The following ARL17A variants were observed in gnomAD, a reference collection of about 807,000 sequenced individuals.
The protein encoded by ARL17A is ADP-ribosylation factor-like 17-like.
intron 3 of ARL17A, among the ~76,000 whole-genome samples, chr17:46,542,907 C>T (rs2055652336): frequency 6.7e-6 from 1 of 149,940 alleles, no homozygotes; most frequent in African/African-American, 2.5e-5. Flanking sequence ...TAGCACTCTG[C>T]TCCGTTCATT....
At chr17:46,568,798 G>GA (rs1218740511) in intron 3 of ARL17A, among the ~76,000 whole-genome samples, 54 of 99,320 alleles carry the variant, frequency 5.4e-4, no homozygotes, top group African/African-American at 7.4e-4. Context: ...AAAAAAAAAG[G>GA]AAAAAAAAAG....
chr17:46,569,556 G>GA (rs1741726080), intron 3 of ARL17A, among the ~76,000 whole-genome samples: 1 of 129,066 alleles, frequency 7.7e-6, no homozygotes, highest in African/African-American at 3.3e-5. Context: ...ACTACTTTGA[G>GA]AAAAAACATT....
rs2057264814 is a variant in ARL17A at position 46,556,143 on chromosome 17, C to G, written c.*1213G>C. The G allele has an allele frequency of 1.2e-6, 1 of 837,874 alleles. No homozygotes were observed. Among genetic ancestry groups the G allele is most frequent in the South Asian group, 4.3e-5 (1 of 23,130 alleles). The allele number at this position is 837,874 out of a possible 1,614,324, so 51.9% of individuals were successfully genotyped here. ...AGCACCAGACTCCACAGGTTAAGGG[C>G]TCAGTCACACAGGACCATCCGCATG... On this transcript the variant is annotated 3_prime_UTR_variant, in exon 4 of 4. Coordinates refer to ENST00000336125, the MANE Select transcript of ARL17A (RefSeq NM_001113738.2).
At chr17:46,549,115 A>G (rs1437095936), downstream of ARL17A, 3 of 1,611,618 alleles carry the variant, frequency 1.9e-6, no homozygotes, top group Admixed American at 3.3e-5. Flanking sequence ...AAAGAGTCCA[A>G]AGGTCAGAAA....
chr17:46,502,896 G>T, the ARL17A span, among the ~76,000 whole-genome samples: 13 of 150,822 alleles, frequency 8.6e-5, no homozygotes, highest in Admixed American at 6.6e-4. Context: ...GCTGGTCTCC[G>T]TGGTAGCACT....
chr17:46,533,262 T>G (rs1381600251), intron 4 of ARL17A, among the ~76,000 whole-genome samples: 1 of 96,100 alleles, frequency 1.0e-5, no homozygotes, highest in African/African-American at 5.5e-5. Flanking sequence ...TAAAAATTTT[T>G]TTTAGTTAGC....
downstream of ARL17A, chr17:46,528,722 C>G (rs866425488): frequency 1.5e-5 from 10 of 664,366 alleles, no homozygotes; most frequent in Middle Eastern, 7.9e-4. Context: ...GAGACTTCAT[C>G]TCAAAAAAAA....
chr17:46,500,453 G>T, the ARL17A span, among the ~76,000 whole-genome samples: 1 of 149,276 alleles, frequency 6.7e-6, no homozygotes. Flanking sequence ...CTGTAGATTT[G>T]AGTTGCATTT....
At position 46,543,602 on chromosome 17, in the gene ARL17A, T is replaced by C. The variant is rs1348913912; in HGVS notation, c.260-5176A>G. ...TCTTAGGGGCTGCACACTGAAGTCTTCAATGGTGAAGGGTCATTATGTCTG... is the reference window on the plus strand; with the variant it reads ...TCTTAGGGGCTGCACACTGAAGTCTCCAATGGTGAAGGGTCATTATGTCTG... On this transcript the variant is annotated intron_variant, in intron 3 of 4. Transcript: ENST00000329240. Among the ~76,000 whole-genome samples the C allele has an allele frequency of 1.3e-5, 2 of 150,804 alleles. 1 individual carries two copies. Among genetic ancestry groups the C allele is most frequent in the African/African-American group, 5.0e-5 (2 of 40,116 alleles).
chr17:46,525,414 C>A (rs1482018869), downstream of ARL17A, among the ~76,000 whole-genome samples: 1 of 109,218 alleles, frequency 9.2e-6, no homozygotes, highest in African/African-American at 3.3e-5. Flanking sequence ...ATGGTGAAAC[C>A]TGTCTCTACT....
At chr17:46,575,287 T>A (rs1183034355) in intron 2 of ARL17A, among the ~76,000 whole-genome samples, 7 of 146,848 alleles carry the variant, frequency 4.8e-5, no homozygotes, top group Non-Finnish European at 1.1e-4. Context: ...AACAAGCCGG[T>A]AAAACACAGT....
At chr17:46,501,474 C>T in the ARL17A span, among the ~76,000 whole-genome samples, 2 of 151,270 alleles carry the variant, frequency 1.3e-5, no homozygotes, top group Admixed American at 6.6e-5. Flanking sequence ...CACGCCTGAC[C>T]ATATATTTAC....
At chr17:46,525,684 GA>G (rs1253303471), downstream of ARL17A, among the ~76,000 whole-genome samples, 4 of 118,668 alleles carry the variant, frequency 3.4e-5, no homozygotes, top group South Asian at 1.5e-3. Flanking sequence ...GCAACACCAG[GA>G]AAACACTGGA....
At chr17:46,551,089 C>T (rs1321879451), downstream of ARL17A, among the ~76,000 whole-genome samples, 7 of 150,062 alleles carry the variant, frequency 4.7e-5, no homozygotes, top group East Asian at 1.9e-4. Flanking sequence ...TGAGGGGGAA[C>T]GTCTCATACT....
chr17:46,544,733 GCCC>G (rs1332055794), intron 3 of ARL17A, among the ~76,000 whole-genome samples: 1 of 93,912 alleles, frequency 1.1e-5, no homozygotes, highest in Non-Finnish European at 2.0e-5. Flanking sequence ...CTCTGAAAGT[GCCC>G]CCAATAAGCC....
the ARL17A span, among the ~76,000 whole-genome samples, chr17:46,503,433 C>T: frequency 2.1e-3 from 303 of 143,122 alleles, no homozygotes; most frequent in Non-Finnish European, 3.2e-3. Context: ...GCTTATAAAC[C>T]AGTGACAGAG....
intron 3 of ARL17A, among the ~76,000 whole-genome samples, chr17:46,539,213 A>G (rs1249141824): frequency 1.4e-5 from 1 of 69,188 alleles, no homozygotes; most frequent in African/African-American, 4.4e-5. Flanking sequence ...TCCATCTCAG[A>G]AAAAAAAAAA....
At chr17:46,550,943 A>G (rs1173066172), downstream of ARL17A, among the ~76,000 whole-genome samples, 1 of 149,104 alleles carries the variant, frequency 6.7e-6, no homozygotes, top group Non-Finnish European at 1.5e-5. Context: ...AGACATACGT[A>G]TTGTCTTGTA....
chr17:46,534,803 G>T (rs1341319018), intron 4 of ARL17A, among the ~76,000 whole-genome samples: 1 of 147,806 alleles, frequency 6.8e-6, no homozygotes, highest in Non-Finnish European at 1.5e-5. Flanking sequence ...CCTCCCGGAG[G>T]GGGCGGCTGG....
Sources: allele counts gnomAD v4.1 joint callset (sites outside exome capture counted in the v4.1 genomes callset), GRCh38; gene constraint gnomAD v4.1.1; transcripts MANE v1.5; gene names NCBI Gene and HGNC (gene_info 2026-07-23, HGNC 2026-07-21).